The following RBP5 variants were observed in gnomAD, a reference collection of about 807,000 sequenced individuals.
The protein encoded by RBP5 is retinol binding protein 5.
RBP5 carries 12 observed loss-of-function variants against 17.8 expected under a neutral mutation model. The ratio of observed to expected loss-of-function variants is 0.67; its 90% CI spans 0.43 to 1.09. RBP5 has a LOEUF of 1.09. RBP5 is among the 50% of genes least tolerant of loss of function. The probability of loss-of-function intolerance (pLI) is 0.00; values close to 1 mark genes in which losing one functional copy is unlikely to be tolerated. For missense variants in RBP5, 172 were observed against 169.4 expected (o/e 1.02, Z -0.09); for synonymous variants, 64 against 68.1 (o/e 0.94, Z 0.30).
chr12:7,121,402 T>C (rs1415883146), downstream of RBP5, among the ~76,000 whole-genome samples: 3 of 152,322 alleles, frequency 2.0e-5, no homozygotes, highest in South Asian at 6.2e-4. Flanking sequence ...GGATGGCCTT[T>C]GTGCTTTAGA....
At chr12:7,122,258 C>T (rs1457316461), downstream of RBP5, 1 of 152,236 alleles carries the variant, frequency 6.6e-6, no homozygotes, top group African/African-American at 2.4e-5. Context: ...GAGCTCCCAC[C>T]CTCTTGGAAA....
In RBP5 at chr12:7,128,100, G is replaced by A; in HGVS notation, c.252+140C>T. Reference sequence around the variant, plus strand: ...TTAGTTCTGGAGACTGGTATCCTGGGGACTGCATTCCCTGCTGTGGTGACC... The same window carrying A: ...TTAGTTCTGGAGACTGGTATCCTGGAGACTGCATTCCCTGCTGTGGTGACC... On this transcript the variant is annotated intron_variant, in intron 2 of 3. Coordinates refer to ENST00000266560, the MANE Select transcript of RBP5 (RefSeq NM_031491.4). This position sits in a 1 kb window ranked among gnomAD's most constrained non-coding sequence, Gnocchi z 5.3. 1 of 692,222 alleles carries A rather than the reference G, an allele frequency of 1.4e-6. No homozygotes were observed. The highest frequency in any genetic ancestry group is 2.4e-6 in the Non-Finnish European group (1 of 419,426). 42.9% of individuals were successfully genotyped at this position (692,222 alleles called of 1,614,324 possible).
chr12:7,126,519 GT>G (rs1290991489), intron 2 of RBP5, among the ~76,000 whole-genome samples: 5 of 78,850 alleles, frequency 6.3e-5, no homozygotes, highest in African/African-American at 2.2e-4. Context: ...TGGTGTGTGT[GT>G]GTGTGTGTGT....
chr12:7,120,729 A>T (rs1343055804), downstream of RBP5: 1 of 154,856 alleles, frequency 6.5e-6, no homozygotes, highest in Non-Finnish European at 1.5e-5. Flanking sequence ...GTTGGGGGTT[A>T]TGAAAGTGGC....
Position 7,128,672 on chromosome 12 carries a change from T to G in RBP5, c.73+31A>C. 2.6e-6 allele frequency: 4 copies of G among 1,536,408 alleles called. No homozygotes were observed. Among genetic ancestry groups the G allele is most frequent in the Non-Finnish European group, 3.6e-6 (4 of 1,125,470 alleles). ...AGGAAGGAAGAGGGGAGAAAGGGAGTGACAGGGGTCTGGGAGGGCGAGGCC... is the reference window on the plus strand; with the variant it reads ...AGGAAGGAAGAGGGGAGAAAGGGAGGGACAGGGGTCTGGGAGGGCGAGGCC... On this transcript the variant is annotated intron_variant, in intron 1 of 3. Transcript: ENST00000266560. This position sits in a 1 kb window ranked among gnomAD's most constrained non-coding sequence, Gnocchi z 5.3.
rs1186325874 is a variant in RBP5, at chr12:7,117,428, G to C, written n.890-121C>G. On this transcript the variant is annotated intron_variant and non_coding_transcript_variant, in intron 3 of 3. Coordinates refer to the RBP5 transcript ENST00000619522. The surrounding 1 kb of genome is among the most constrained non-coding windows in gnomAD (Gnocchi z 4.9). Reference sequence around the variant, plus strand: ...TTATTTTAGTACAATAAGTGCAGACGATCAGCTAGCAGGATGTTATTTTTG... The same window carrying C: ...TTATTTTAGTACAATAAGTGCAGACCATCAGCTAGCAGGATGTTATTTTTG... The C allele has an allele frequency of 6.6e-6, 1 of 152,118 alleles. No homozygotes were observed. The highest frequency in any genetic ancestry group is 2.4e-5 in the African/African-American group (1 of 41,416). The allele number at this position is 152,118 out of a possible 1,614,324, so 9.4% of individuals were successfully genotyped here.
At chr12:7,121,456 T>C (rs7132639), downstream of RBP5, among the ~76,000 whole-genome samples, 101,025 of 152,002 alleles carry the variant, frequency 0.66, 33,815 homozygotes, top group South Asian at 0.74. Context: ...TTTCAACATA[T>C]AGGCCTGGGC....
chr12:7,122,378 G>A (rs1271350930), downstream of RBP5: 6 of 152,250 alleles, frequency 3.9e-5, no homozygotes, highest in Admixed American at 3.3e-4. Flanking sequence ...TGGAGGATGG[G>A]GTCCTGCAGT....
downstream of RBP5, among the ~76,000 whole-genome samples, chr12:7,123,318 C>T (rs1477330654): frequency 1.3e-5 from 2 of 152,232 alleles, no homozygotes; most frequent in Non-Finnish European, 1.5e-5. Context: ...GACTGCTGGG[C>T]TTCTCCCTCC....
In RBP5 at chr12:7,128,401, G is replaced by A. The variant is rs772336568; in HGVS notation, c.91C>T (p.Arg31Trp). 44 of 1,613,970 alleles carry A rather than the reference G, an allele frequency of 2.7e-5. No homozygotes were observed. Among genetic ancestry groups the A allele is most frequent in the Middle Eastern group, 1.6e-4 (1 of 6,084 alleles). ...GGCTTCAGCAGCAGCGCGATCTTCC[G>A]CACAGCCAAGCTGATGTCTGTGGGG... Reference protein sequence around the residue: ...LQALNISLAVRKIALLLKPDK... With the variant: ...LQALNISLAVWKIALLLKPDK... The change falls in exon 2 of 4, where the codon CGG (arginine) becomes TGG (tryptophan). Residue 31 changes from arginine (R) to tryptophan (W), a missense_variant. Transcript: ENST00000266560. This position sits in a 1 kb window ranked among gnomAD's most constrained non-coding sequence, Gnocchi z 5.3.
Position 7,128,679 on chromosome 12 carries a change from G to A in RBP5, c.73+24C>T, listed in dbSNP as rs1488573452. The stretch of plus-strand genomic sequence containing the variant: ...AAGAGGGGAGAAAGGGAGTGACAGG[G>A]GTCTGGGAGGGCGAGGCCATTACTT... On this transcript the variant is annotated intron_variant, in intron 1 of 3. Coordinates refer to ENST00000266560, the MANE Select transcript of RBP5 (RefSeq NM_031491.4). This position sits in a 1 kb window ranked among gnomAD's most constrained non-coding sequence, Gnocchi z 5.3. The A allele has an allele frequency of 1.3e-6, 2 of 1,560,774 alleles. No individual in the cohort carries two copies. Among genetic ancestry groups the A allele is most frequent in the Non-Finnish European group, 1.7e-6 (2 of 1,144,826 alleles).
Position 7,128,553 on chromosome 12 carries a change from G to A in RBP5, c.74-135C>T. ...ATTCACCCCCTCCTACCAATGCCTG[G>A]TTAGAAATGGATCCCAGGTCTGGTG... On this transcript the variant is annotated intron_variant, in intron 1 of 3. Transcript: ENST00000266560. The surrounding 1 kb of genome is among the most constrained non-coding windows in gnomAD (Gnocchi z 5.3). The A allele has an allele frequency of 5.9e-6, 7 of 1,188,224 alleles. No individual in the cohort carries two copies. The highest frequency in any genetic ancestry group is 8.5e-6 in the Non-Finnish European group (7 of 821,816). The allele number at this position is 1,188,224 out of a possible 1,614,324, so 73.6% of individuals were successfully genotyped here.
chr12:7,126,197 A>G (rs1939157643), intron 2 of RBP5, among the ~76,000 whole-genome samples: 1 of 152,214 alleles, frequency 6.6e-6, no homozygotes. Context: ...AGTGATGCTC[A>G]ACAGAAATAA....
At chr12:7,127,799 ACT>A in intron 2 of RBP5, 2 of 682,608 alleles carry the variant, frequency 2.9e-6, no homozygotes, top group South Asian at 3.0e-5. Flanking sequence ...TAAGAACAAA[ACT>A]CTGCGGAGAA....
chr12:7,123,852 G>C lies in RBP5; in HGVS notation c.*269C>G. The stretch of plus-strand genomic sequence containing the variant: ...GAGCGGAGATTGGTTGTTCTCAGGG[G>C]CTCCTTCCCTTTGCCTGCTTCTTTC... On this transcript the variant is annotated 3_prime_UTR_variant, in exon 4 of 4. Coordinates refer to ENST00000266560, the MANE Select transcript of RBP5 (RefSeq NM_031491.4). 2.2e-6 allele frequency: 1 copy of C among 457,438 alleles called. No homozygotes were observed. The highest frequency in any genetic ancestry group is 4.0e-6 in the Non-Finnish European group (1 of 251,754). 28.3% of individuals were successfully genotyped at this position (457,438 alleles called of 1,614,324 possible).
chr12:7,118,200 T>G (rs1047295929), intron 3 of RBP5: 3 of 152,224 alleles, frequency 2.0e-5, no homozygotes, highest in Admixed American at 2.0e-4. Context: ...CTGTGGGTTC[T>G]TGCTCCAATG....
At chr12:7,119,498 A>G (rs950119002), downstream of RBP5, 1 of 154,814 alleles carries the variant, frequency 6.5e-6, no homozygotes, top group Non-Finnish European at 1.5e-5. Flanking sequence ...TGTCACCCCC[A>G]GATGGTTTAC....
chr12:7,125,115 C>T (rs1939139935), intron 2 of RBP5, among the ~76,000 whole-genome samples: 1 of 152,160 alleles, frequency 6.6e-6, no homozygotes, highest in African/African-American at 2.4e-5. Flanking sequence ...CCATGTTGGC[C>T]AGGCTGGACT....
rs1202442188 is a variant in RBP5, at chr12:7,124,684, C to T, written c.299G>A (p.Gly100Glu). 8 of 1,613,334 alleles carry T rather than the reference C, an allele frequency of 5.0e-6. No homozygotes were observed. Among genetic ancestry groups the T allele is most frequent in the Admixed American group, 1.7e-5 (1 of 60,000 alleles). Residue 100 changes from glycine to glutamate, a missense_variant, in exon 3 of 4, where the codon GGG (glycine) becomes GAG (glutamate). Physicochemically the swap from Gly to Glu is moderately conservative, Grantham distance 98. Transcript: ENST00000266560. The surrounding 1 kb of genome is among the most constrained non-coding windows in gnomAD (Gnocchi z 5.3). ...TCTCCAGCCCCGGTTGGGGACCTCC[C>T]CTTTCTGCACACACACCAGGTGCTC... The part of the protein sequence containing the change: ...EEEHLVCVQK[G>E]EVPNRGWRHW...
Sources: allele counts gnomAD v4.1 joint callset (sites outside exome capture counted in the v4.1 genomes callset), GRCh38; gene constraint gnomAD v4.1.1; non-coding constraint Gnocchi (gnomAD v3.1); transcripts MANE v1.5; gene names NCBI Gene and HGNC (gene_info 2026-07-23, HGNC 2026-07-21).